The following PCDH9 variants were observed in gnomAD, a reference collection of about 807,000 sequenced individuals.
PCDH9 encodes the protein protocadherin-9.
Under a neutral mutation model 70.6 loss-of-function variants are expected in PCDH9, and 24 were observed. The ratio of observed to expected loss-of-function variants is 0.34; its 90% CI spans 0.25 to 0.48. PCDH9 has a LOEUF of 0.48. Ranked by LOEUF, PCDH9 falls within the 20% of genes least tolerant of loss-of-function variation. PCDH9 has a pLI of 0.99. For missense variants in PCDH9, 1,281 were observed against 1,503.6 expected (o/e 0.85, Z 2.45); for synonymous variants, 562 against 558.5 (o/e 1.01, Z -0.09).
intron 4 of PCDH9, among the ~76,000 whole-genome samples, chr13:66,356,102 A>G (rs1052299992): frequency 3.3e-5 from 5 of 152,184 alleles, no homozygotes; most frequent in African/African-American, 1.2e-4. Flanking sequence ...ATAACTGTGT[A>G]CTATGCATTA....
chr13:66,738,213 C>T (rs918830060), intron 3 of PCDH9, among the ~76,000 whole-genome samples: 2 of 151,656 alleles, frequency 1.3e-5, no homozygotes, highest in Non-Finnish European at 3.0e-5. Context: ...AACTGGGAGG[C>T]ACCCCCCAGC....
intron 4 of PCDH9, among the ~76,000 whole-genome samples, chr13:66,470,166 A>T (rs184436970): frequency 6.6e-6 from 1 of 152,204 alleles, no homozygotes; most frequent in Non-Finnish European, 1.5e-5. Context: ...TAATTAAAAC[A>T]ATACGACATG....
chr13:66,543,308 C>T (rs570993168), intron 4 of PCDH9, among the ~76,000 whole-genome samples: 4 of 152,192 alleles, frequency 2.6e-5, no homozygotes, highest in East Asian at 1.9e-4. Flanking sequence ...CAGTGGCTCA[C>T]GCCTGTAATC....
intron 3 of PCDH9, among the ~76,000 whole-genome samples, chr13:66,767,766 G>A (rs992876154): frequency 1.3e-5 from 2 of 152,040 alleles, no homozygotes; most frequent in Non-Finnish European, 2.9e-5. Context: ...AGTCAATCTT[G>A]TCTATGGAGC....
At chr13:67,116,890 C>T (rs2138287650) in intron 2 of PCDH9, among the ~76,000 whole-genome samples, 1 of 152,164 alleles carries the variant, frequency 6.6e-6, no homozygotes, top group South Asian at 2.1e-4. Flanking sequence ...GTATATTGTC[C>T]CCTCATTATT....
chr13:67,158,753 A>C (rs1434605242), intron 2 of PCDH9, among the ~76,000 whole-genome samples: 2 of 152,194 alleles, frequency 1.3e-5, no homozygotes, highest in East Asian at 3.8e-4. Flanking sequence ...GATGGATATC[A>C]AATAAATTGG....
At chr13:66,394,640 T>A (rs1226620287) in intron 4 of PCDH9, among the ~76,000 whole-genome samples, 2 of 152,162 alleles carry the variant, frequency 1.3e-5, no homozygotes, top group African/African-American at 4.8e-5. Context: ...TAAATATATA[T>A]TAAGTGGCTA....
intron 3 of PCDH9, among the ~76,000 whole-genome samples, chr13:66,795,581 G>A (rs2080228667): frequency 6.6e-6 from 1 of 152,038 alleles, no homozygotes; most frequent in African/African-American, 2.4e-5. Flanking sequence ...ATTAGGAGTA[G>A]TATTTTTATG....
rs78836928 is a variant in PCDH9, at chr13:66,539,770, C to T, written c.3340+91440G>A. On this transcript the variant is annotated intron_variant, in intron 4 of 4. Transcript: ENST00000377865. ...AGCTTAACATTTACAATTTTTTTTG[C>T]CTTGCTGCCTCCCCAAAAATTATTT... 8.4e-3 allele frequency among the ~76,000 whole-genome samples: 1,267 copies of T among 151,700 alleles called. 5 individuals are homozygous for T. Among genetic ancestry groups the T allele is most frequent in the Non-Finnish European group, 0.015 (1,031 of 67,914 alleles).
chr13:66,558,880 T>C (rs565710093), intron 4 of PCDH9, among the ~76,000 whole-genome samples: 6 of 152,290 alleles, frequency 3.9e-5, no homozygotes, highest in Non-Finnish European at 7.3e-5. Flanking sequence ...CTTTCAGTTG[T>C]AATTAAGGGA....
intron 2 of PCDH9, among the ~76,000 whole-genome samples, chr13:67,187,094 T>C (rs1264119689): frequency 2.0e-5 from 3 of 152,204 alleles, no homozygotes; most frequent in African/African-American, 7.2e-5. Flanking sequence ...GTATTGTGTC[T>C]TATATCTAAC....
intron 3 of PCDH9, among the ~76,000 whole-genome samples, chr13:66,631,759 T>C (rs946868547): frequency 6.6e-6 from 1 of 152,236 alleles, no homozygotes; most frequent in South Asian, 2.1e-4. Context: ...AAATATGCTT[T>C]TGATAAATCT....
At chr13:66,582,624 C>T (rs2076908226) in intron 4 of PCDH9, among the ~76,000 whole-genome samples, 1 of 151,600 alleles carries the variant, frequency 6.6e-6, no homozygotes, top group African/African-American at 2.4e-5. Context: ...AGAGTGAGAC[C>T]CTGTCTCAAA....
At chr13:66,771,844 A>G (rs140731871) in intron 3 of PCDH9, among the ~76,000 whole-genome samples, 1 of 152,332 alleles carries the variant, frequency 6.6e-6, no homozygotes, top group East Asian at 1.9e-4. Context: ...AAGTTGCATA[A>G]ATCACTGAAA....
intron 2 of PCDH9, among the ~76,000 whole-genome samples, chr13:67,135,658 A>G (rs2087216427): frequency 6.6e-6 from 1 of 152,158 alleles, no homozygotes; most frequent in Non-Finnish European, 1.5e-5. Flanking sequence ...AGAAGATGTC[A>G]ACAAGAATGG....
intron 2 of PCDH9, among the ~76,000 whole-genome samples, chr13:67,035,109 T>C (rs1307078345): frequency 6.6e-6 from 1 of 152,130 alleles, no homozygotes. Context: ...CTTCATGGTG[T>C]ATATGAAGTT....
At chr13:67,044,816 G>C (rs1424837195) in intron 2 of PCDH9, among the ~76,000 whole-genome samples, 1 of 152,110 alleles carries the variant, frequency 6.6e-6, no homozygotes, top group Non-Finnish European at 1.5e-5. Context: ...GCAGGGGAGA[G>C]AAAATGAATG....
chr13:67,129,038 TA>T (rs1025091207), intron 2 of PCDH9, among the ~76,000 whole-genome samples: 3 of 152,182 alleles, frequency 2.0e-5, no homozygotes, highest in Admixed American at 1.3e-4. Flanking sequence ...AATTTTTTTT[TA>T]CTTAACACCA....
At chr13:66,521,274 TGAAAG>T (rs1309192432) in intron 4 of PCDH9, among the ~76,000 whole-genome samples, 127 of 152,226 alleles carry the variant, frequency 8.3e-4, no homozygotes, top group Non-Finnish European at 1.6e-3. Context: ...GTTAGAAACA[TGAAAG>T]ATTGTTTCTG....
Sources: gnomAD v4.1 joint callset for allele counts (sites outside exome capture counted in the v4.1 genomes callset) on GRCh38, gnomAD v4.1.1 for gene constraint, MANE v1.5 for transcripts, NCBI Gene and HGNC (gene_info 2026-07-23, HGNC 2026-07-21) for gene names.